The following CDK5RAP2 variants were observed in gnomAD, a reference collection of about 807,000 sequenced individuals.
CDK5RAP2 encodes CDK5 regulatory subunit associated protein 2.
Under a neutral mutation model 232.9 loss-of-function variants are expected in CDK5RAP2, and 147 were observed. That is an observed-to-expected ratio of 0.63 (90% CI 0.55 to 0.72). The LOEUF is 0.72. Ranked by LOEUF, CDK5RAP2 falls within the 30% of genes least tolerant of loss-of-function variation. CDK5RAP2 has a pLI of 0.00. For missense variants in CDK5RAP2, 2,195 were observed against 2,231.5 expected (o/e 0.98, Z 0.33); for synonymous variants, 833 against 833.7 (o/e 1.00, Z 0.01).
Position 120,389,744 on chromosome 9 carries a change from C to T in CDK5RAP2, c.5622G>A (p.Leu1874=), listed in dbSNP as rs1001079655. 1.2e-6 allele frequency: 2 copies of T among 1,614,160 alleles called. No homozygotes were observed. Residue 1874 remains leucine (L), a synonymous_variant, in exon 37 of 38, where the codon CTG becomes CTA. Transcript: ENST00000349780. ...TGAAAAGACTCAAAGGGCATACCTC[C>T]AGGTTTCCTCTGGCCTTCCGAAGGA... The part of the protein sequence containing the change: ...HKILRKARGN[L]ELRPGGAHPG...
chr9:120,394,311 A>G (rs1269032583), intron 36 of CDK5RAP2, among the ~76,000 whole-genome samples: 1 of 152,122 alleles, frequency 6.6e-6, no homozygotes, highest in Non-Finnish European at 1.5e-5. Context: ...CCCTGACACC[A>G]AAAGGCCGCT....
chr9:120,391,113 T>TC (rs2031925990), intron 36 of CDK5RAP2, among the ~76,000 whole-genome samples: 1 of 152,086 alleles, frequency 6.6e-6, no homozygotes, highest in Non-Finnish European at 1.5e-5. Context: ...TCCGCATTTT[T>TC]CCACAGAGAG....
In CDK5RAP2 at chr9:120,439,715, GC is replaced by G. The variant is rs2035786989; in HGVS notation, c.3405del (p.Lys1135AsnfsTer9). ...ATTATGGCCTCACTGCACTGGGAGTGCTTTTGAAGCTGAAATATGAAATTCT... is the reference window on the plus strand; with the variant it reads ...ATTATGGCCTCACTGCACTGGGAGTGTTTTGAAGCTGAAATATGAAATTCT... ...GYQNFIFQLQ[K>X]HSQCSEAIIT... On this transcript the variant is annotated frameshift_variant, in exon 24 of 38. Transcript: ENST00000349780. LOFTEE classifies it high-confidence loss of function. 1 of 1,614,098 alleles carries G rather than the reference GC, an allele frequency of 6.2e-7. No homozygotes were observed. The highest frequency in any genetic ancestry group is 1.1e-5 in the South Asian group (1 of 91,084).
intron 5 of CDK5RAP2, 30 bp from the exon 6 acceptor site, chr9:120,539,194 G>A (rs746541664): frequency 1.9e-6 from 3 of 1,613,192 alleles, no homozygotes. Context: ...GGTAAAACAT[G>A]CAAGGGTGAT....
chr9:120,503,548 G>A (rs78251758), intron 12 of CDK5RAP2, among the ~76,000 whole-genome samples: 4 of 152,120 alleles, frequency 2.6e-5, no homozygotes, highest in East Asian at 1.9e-4. Flanking sequence ...AACCTCCTTC[G>A]ATATTCCTGG....
At chr9:120,573,931 T>C (rs1474052764) in intron 1 of CDK5RAP2, among the ~76,000 whole-genome samples, 1 of 152,236 alleles carries the variant, frequency 6.6e-6, no homozygotes, top group Non-Finnish European at 1.5e-5. Context: ...CACCAGGTTA[T>C]TGGCCAAGCT....
chr9:120,494,643 AGCTCTTCC>A (rs2039069938), intron 12 of CDK5RAP2, among the ~76,000 whole-genome samples: 1 of 152,226 alleles, frequency 6.6e-6, no homozygotes, highest in South Asian at 2.1e-4. Flanking sequence ...GGAAGAGGAC[AGCTCTTCC>A]TCATGGTAGA....
At chr9:120,573,582 C>T (rs1277367140) in intron 1 of CDK5RAP2, among the ~76,000 whole-genome samples, 3 of 151,706 alleles carry the variant, frequency 2.0e-5, no homozygotes, top group Non-Finnish European at 4.4e-5. Context: ...AAAAGTGTCC[C>T]CTGTAAAGGT....
chr9:120,517,857 C>A, intron 12 of CDK5RAP2: 1 of 382,670 alleles, frequency 2.6e-6, no homozygotes, highest in Non-Finnish European at 5.2e-6. Context: ...CCCAGGAGTT[C>A]AGGAACAGCC....
In CDK5RAP2 at chr9:120,460,273, T is replaced by C. The variant is rs76200896; in HGVS notation, c.2202+299A>G. Among the ~76,000 whole-genome samples the C allele has an allele frequency of 6.5e-3, 994 of 152,324 alleles. 15 individuals carry two copies. Among genetic ancestry groups the C allele is most frequent in the African/African-American group, 0.023 (944 of 41,576 alleles). On this transcript the variant is annotated intron_variant, in intron 19 of 37. Transcript: ENST00000349780. The stretch of plus-strand genomic sequence containing the variant: ...TTCAGTTTCTAATTCATAAAATGGG[T>C]TGGATTACATCACTAAAGATTTGTC...
chr9:120,491,418 C>T lies in CDK5RAP2; in HGVS notation c.1371G>A (p.Met457Ile), dbSNP rs775885612. The change falls in exon 13 of 38, where the codon ATG becomes ATA. Residue 457 changes from methionine (M) to isoleucine (I), a missense_variant. Coordinates refer to ENST00000349780, the MANE Select transcript of CDK5RAP2 (RefSeq NM_018249.6). Reference protein sequence around the residue: ...RNEVNEREKAMENRYKSLLSE... With the variant: ...RNEVNEREKAIENRYKSLLSE... ...TCAGAAGACTCTTGTAACGATTTTC[C>T]ATTGCTTTCTCTCTTTCATTCACTT... The T allele has an allele frequency of 1.1e-5, 17 of 1,612,020 alleles. No homozygotes were observed. In the African/African-American group the frequency reaches 1.6e-4, roughly 15 times the overall value.
chr9:120,404,463 C>T (rs1241821906), intron 32 of CDK5RAP2, among the ~76,000 whole-genome samples: 3 of 152,198 alleles, frequency 2.0e-5, no homozygotes, highest in African/African-American at 7.2e-5. Context: ...GTTTTAAAAC[C>T]TTATGTTTTA....
intron 1 of CDK5RAP2, among the ~76,000 whole-genome samples, chr9:120,579,710 G>A (rs2043169098): frequency 6.6e-6 from 1 of 152,206 alleles, no homozygotes; most frequent in African/African-American, 2.4e-5. Flanking sequence ...ATGGCGCAAT[G>A]CTACTGGCAA....
chr9:120,552,491 C>T (rs2042079772), intron 3 of CDK5RAP2, among the ~76,000 whole-genome samples: 1 of 152,076 alleles, frequency 6.6e-6, no homozygotes, highest in African/African-American at 2.4e-5. Flanking sequence ...GGCACATATA[C>T]ACCATGGAAT....
At chr9:120,404,313 T>C (rs547688705) in intron 32 of CDK5RAP2, among the ~76,000 whole-genome samples, 200 bp from the exon 33 acceptor site, 28 of 152,364 alleles carry the variant, frequency 1.8e-4, no homozygotes, top group Non-Finnish European at 4.0e-4. Flanking sequence ...GCCCAGTCCA[T>C]TCCCTAGAAA....
In CDK5RAP2 at chr9:120,550,865, T is replaced by C; in HGVS notation, c.233A>G (p.Lys78Arg). 1 of 1,613,194 alleles carries C rather than the reference T, an allele frequency of 6.2e-7. No individual in the cohort carries two copies. The highest frequency in any genetic ancestry group is 1.7e-5 in the Admixed American group (1 of 60,030). The change falls in exon 4 of 38, where the codon AAG becomes AGG. Residue 78 changes from lysine to arginine, a missense_variant. Transcript: ENST00000349780. Reference sequence around the variant, plus strand: ...TTCCTCAAGGAAATAGATGCGGAGCTTTAGGTTAAAGTTTTCTTTCTTCAA... The same window carrying C: ...TTCCTCAAGGAAATAGATGCGGAGCCTTAGGTTAAAGTTTTCTTTCTTCAA... The part of the protein sequence containing the change: ...TELKKENFNL[K>R]LRIYFLEERM...
At chr9:120,533,178 TA>T (rs2131941648) in intron 7 of CDK5RAP2, among the ~76,000 whole-genome samples, 1 of 152,098 alleles carries the variant, frequency 6.6e-6, no homozygotes, top group East Asian at 1.9e-4. Context: ...TCACGACATA[TA>T]TTTTTTTTAA....
At chr9:120,470,267 G>C (rs2037621514) in intron 16 of CDK5RAP2, 47 bp from the exon 17 acceptor site, 1 of 903,042 alleles carries the variant, frequency 1.1e-6, no homozygotes, top group Non-Finnish European at 1.7e-6. Flanking sequence ...AGGAGAAAAA[G>C]AATATCAGAA....
At chr9:120,517,739 T>C in intron 12 of CDK5RAP2, 1 of 206,052 alleles carries the variant, frequency 4.9e-6, no homozygotes, top group Non-Finnish European at 1.0e-5. Context: ...TTCATACTCT[T>C]TGGCCCAGTT....
Sources: allele counts gnomAD v4.1 joint callset (sites outside exome capture counted in the v4.1 genomes callset), GRCh38; gene constraint gnomAD v4.1.1; transcripts MANE v1.5; gene names NCBI Gene and HGNC (gene_info 2026-07-23, HGNC 2026-07-21).